HLA-F: variants seen among roughly 807,000 people sequenced by gnomAD.
The protein encoded by HLA-F is HLA class I histocompatibility antigen, alpha chain F.
Under a neutral mutation model 49.5 loss-of-function variants are expected in HLA-F, and 46 were observed. The observed-to-expected ratio is 0.93, with a 90% CI of 0.73 to 1.19. The LOEUF is 1.19. Ranked by LOEUF, HLA-F falls within the 50% of genes most tolerant of loss-of-function variation. The pLI is 0.00. For missense variants in HLA-F, 496 were observed against 579.6 expected, an observed-to-expected ratio of 0.86 and a Z score of 1.48; for synonymous variants, 203 against 233.5, an observed-to-expected ratio of 0.87 and a Z score of 1.19.
chr6:29,724,922 C>A, intron 3 of HLA-F, 109 bp from the exon 4 acceptor site: 1 of 1,268,336 alleles, frequency 7.9e-7, no homozygotes, highest in Non-Finnish European at 1.1e-6. Flanking sequence ...GGGTTCTGTG[C>A]TCCCTTCCCC....
intron 3 of HLA-F, among the ~76,000 whole-genome samples, chr6:29,732,732 G>A (rs1776733252): frequency 6.6e-6 from 1 of 152,112 alleles, no homozygotes; most frequent in Non-Finnish European, 1.5e-5. Flanking sequence ...ATAGGCGTGA[G>A]CCACCATGCC....
intron 2 of HLA-F, 25 bp from the exon 3 acceptor site, chr6:29,724,148 G>T (rs1775716005): frequency 6.2e-7 from 1 of 1,612,488 alleles, no homozygotes; most frequent in Non-Finnish European, 8.5e-7. Flanking sequence ...CTAGCTGGGC[G>T]GGGCTGACTG....
intron 3 of HLA-F, among the ~76,000 whole-genome samples, chr6:29,733,063 C>T (rs2523397): frequency 0.39 from 59,817 of 151,844 alleles, 11,965 homozygotes; most frequent in Non-Finnish European, 0.44. Context: ...GTGGCGCATG[C>T]GTGTAATCTC....
intron 5 of HLA-F, 132 bp downstream of exon 5, chr6:29,725,695 T>G: frequency 1.3e-6 from 1 of 780,676 alleles, no homozygotes; most frequent in Non-Finnish European, 2.2e-6. Flanking sequence ...GCCTGGGCCC[T>G]GTGTGCCAGC....
intron 5 of HLA-F, 60 bp downstream of exon 5, chr6:29,725,623 C>A: frequency 7.2e-7 from 1 of 1,396,574 alleles, no homozygotes; most frequent in Non-Finnish European, 1.0e-6. Context: ...TTGCAAGCCC[C>A]AAGTAGAAGT....
chr6:29,733,718 G>A (rs546708589), intron 3 of HLA-F, among the ~76,000 whole-genome samples: 4 of 152,290 alleles, frequency 2.6e-5, no homozygotes, highest in Non-Finnish European at 4.4e-5. Context: ...CAGAAATGCC[G>A]ATTATGGCAC....
At chr6:29,723,578 C>T (rs746711511) in intron 1 of HLA-F, 51 bp downstream of exon 1, 14 of 1,597,492 alleles carry the variant, frequency 8.8e-6, no homozygotes, top group Non-Finnish European at 1.1e-5. Context: ...GAGTGAGGGG[C>T]CCGCCCGGTG....
At position 29,723,458 on chromosome 6, in the gene HLA-F, G is replaced by A. The variant is rs763287812; in HGVS notation, c.-6G>A. The A allele has an allele frequency of 6.2e-7, 1 of 1,613,550 alleles. No homozygotes were observed. The highest frequency in any genetic ancestry group is 1.7e-5 in the Admixed American group (1 of 59,936). On this transcript the variant is annotated 5_prime_UTR_variant, in exon 1 of 7. Coordinates refer to ENST00000259951, the MANE Select transcript of HLA-F (RefSeq NM_001098479.2). ...CATATTTTTCCCAGACGCGGAGGTT[G>A]GGGTCATGGCGCCCCGAAGCCTCCT...
At chr6:29,731,974 T>C (rs1162594193), downstream of HLA-F, among the ~76,000 whole-genome samples, 1 of 152,156 alleles carries the variant, frequency 6.6e-6, no homozygotes, top group African/African-American at 2.4e-5. Context: ...ATGAATTTAT[T>C]TATTTTTGGA....
downstream of HLA-F, chr6:29,727,828 C>T (rs1395643561): frequency 4.7e-6 from 2 of 426,222 alleles, no homozygotes; most frequent in Non-Finnish European, 9.2e-6. Context: ...TTTAGTTCCC[C>T]ATACCCTGAG....
At position 29,724,171 on chromosome 6, in the gene HLA-F, A is replaced by AG; in HGVS notation, c.336dup. The AG allele has an allele frequency of 6.2e-7, 1 of 1,612,876 alleles. No homozygotes were observed. Among genetic ancestry groups the AG allele is most frequent in the Non-Finnish European group, 8.5e-7 (1 of 1,179,908 alleles). On this transcript the variant is annotated splice_acceptor_variant, in intron 2 of 6. Coordinates refer to ENST00000259951, the MANE Select transcript of HLA-F (RefSeq NM_001098479.2). LOFTEE classifies it high-confidence loss of function. ...GCGGGGCTGACTGCGGGGACCGGCT[A>AG]GGGTCTCACACCCTCCAGGGAATGA...
chr6:29,737,505 T>C (rs1777220418), intron 3 of HLA-F, among the ~76,000 whole-genome samples: 1 of 152,154 alleles, frequency 6.6e-6, no homozygotes. Context: ...AGGATGTGCT[T>C]TTATTTGAAG....
At chr6:29,731,235 A>G (rs56352821), downstream of HLA-F, among the ~76,000 whole-genome samples, 7,830 of 48,828 alleles carry the variant, frequency 0.16, 256 homozygotes, top group South Asian at 0.28. Flanking sequence ...ATGGATACAT[A>G]GATAGATAGA....
Position 29,727,025 on chromosome 6 carries a change from G to GT in HLA-F, c.1187dup (p.Leu396PhefsTer24), listed in dbSNP as rs17875385. ...GGAAGGTGGGTGACATGTGGATCTT[G>GT]TTTTTTTTGTGGCTGTGGACATCTT... On this transcript the variant is annotated frameshift_variant, in exon 7 of 7. Coordinates refer to ENST00000259951, the MANE Select transcript of HLA-F (RefSeq NM_001098479.2). LOFTEE classifies it high-confidence loss of function. The GT allele has an allele frequency of 4.0e-5, 65 of 1,612,006 alleles. No homozygotes were observed. The highest frequency in any genetic ancestry group is 1.3e-4 in the Admixed American group (8 of 59,954).
downstream of HLA-F, among the ~76,000 whole-genome samples, chr6:29,732,104 ACAGGCTCATGC>A (rs1450934398): frequency 6.6e-6 from 1 of 151,408 alleles, no homozygotes; most frequent in Non-Finnish European, 1.5e-5. Context: ...ACCTAGGACT[ACAGGCTCATGC>A]CACCATGCCC....
chr6:29,723,617 G>C (rs1371535519), intron 1 of HLA-F, 41 bp from the exon 2 acceptor site: 1 of 1,599,706 alleles, frequency 6.3e-7, no homozygotes, highest in East Asian at 2.2e-5. Flanking sequence ...AGCCGCCTCC[G>C]GAGGAGGGTC....
rs1463875172 is a variant in HLA-F, at chr6:29,724,323, A to C, written c.485A>C (p.Gln162Pro). 1.2e-6 allele frequency: 2 copies of C among 1,613,128 alleles called. No individual in the cohort carries two copies. Among genetic ancestry groups the C allele is most frequent in the Admixed American group, 3.3e-5 (2 of 60,014 alleles). The change falls in exon 3 of 7, where the codon CAG becomes CCG. Residue 162 changes from glutamine to proline, a missense_variant. Physicochemically the swap from Gln to Pro is moderately conservative, Grantham distance 76 (BLOSUM62 -1). Coordinates refer to ENST00000259951, the MANE Select transcript of HLA-F (RefSeq NM_001098479.2). ...RSWTAADTVA[Q>P]ITQRFYEAEE... is the part of the protein sequence containing the mutation. Reference sequence around the variant, plus strand: ...TGGACCGCGGCGGACACCGTGGCTCAGATCACCCAGCGCTTCTATGAGGCA... The same window carrying C: ...TGGACCGCGGCGGACACCGTGGCTCCGATCACCCAGCGCTTCTATGAGGCA...
chr6:29,725,920 A>C, intron 5 of HLA-F, 91 bp from the exon 6 acceptor site: 1 of 1,405,744 alleles, frequency 7.1e-7, no homozygotes, highest in East Asian at 2.3e-5. Flanking sequence ...TTTTCTGGAA[A>C]CTTCTCTGGG....
intron 6 of HLA-F, 22 bp downstream of exon 6, chr6:29,726,065 C>G: frequency 6.2e-7 from 1 of 1,610,712 alleles, no homozygotes; most frequent in African/African-American, 1.3e-5. Flanking sequence ...GAGGCTGATC[C>G]CTGAGATTGT....
Sources: gnomAD v4.1 joint callset for allele counts (sites outside exome capture counted in the v4.1 genomes callset) on GRCh38, gnomAD v4.1.1 for gene constraint, MANE v1.5 for transcripts, NCBI Gene and HGNC (gene_info 2026-07-23, HGNC 2026-07-21) for gene names.